RBFOX1: variants seen among roughly 807,000 people sequenced by gnomAD.
RBFOX1 encodes the protein RNA binding fox-1 homolog 1.
In RBFOX1, 8 loss-of-function variants were observed where a neutral mutation model predicts 57.7. That is an observed-to-expected ratio of 0.14 (90% CI 0.08 to 0.25). RBFOX1 has a LOEUF of 0.25. Ranked by LOEUF, RBFOX1 falls within the 10% of genes least tolerant of loss-of-function variation. RBFOX1 has a pLI of 1.00. For synonymous variants in RBFOX1, 326 were observed against 222.4 expected, an observed-to-expected ratio of 1.47 and a Z score of -4.15; for missense variants, 611 against 548.5, an observed-to-expected ratio of 1.11 and a Z score of -1.14.
intron 3 of RBFOX1, among the ~76,000 whole-genome samples, chr16:5,766,057 C>A (rs1012327657): frequency 6.6e-6 from 1 of 152,176 alleles, no homozygotes; most frequent in East Asian, 1.9e-4. Context: ...CGTCATGGAG[C>A]AGCCAATAGC....
intron 3 of RBFOX1, among the ~76,000 whole-genome samples, chr16:6,994,512 A>G (rs2091973000): frequency 6.6e-6 from 1 of 152,184 alleles, no homozygotes; most frequent in Non-Finnish European, 1.5e-5. Context: ...ACAACAAGTG[A>G]CCGATTTTCT....
At chr16:7,063,104 G>A (rs1051538905) in intron 4 of RBFOX1, among the ~76,000 whole-genome samples, 17 of 151,866 alleles carry the variant, frequency 1.1e-4, no homozygotes, top group Admixed American at 3.3e-4. Context: ...GTGAATCGGC[G>A]CTGACTTTAT....
intron 1 of RBFOX1, among the ~76,000 whole-genome samples, chr16:6,169,938 T>A (rs766105821): frequency 2.0e-5 from 3 of 152,154 alleles, no homozygotes; most frequent in Non-Finnish European, 2.9e-5. Flanking sequence ...CTAGTTTTTG[T>A]ATTTTTTTTT....
At chr16:7,045,810 C>T (rs1054266618) in intron 3 of RBFOX1, among the ~76,000 whole-genome samples, 5 of 151,968 alleles carry the variant, frequency 3.3e-5, no homozygotes, top group Non-Finnish European at 5.9e-5. Flanking sequence ...CGCATTCCAC[C>T]ACGTGTGGCT....
intron 14 of RBFOX1, among the ~76,000 whole-genome samples, chr16:7,707,346 T>A (rs1021702794): frequency 8.6e-5 from 13 of 152,012 alleles, no homozygotes; most frequent in African/African-American, 3.1e-4. Context: ...ATGTATTGGA[T>A]TGGTATCACT....
chr16:6,874,409 C>CT (rs2061466163), intron 3 of RBFOX1, among the ~76,000 whole-genome samples: 1 of 146,344 alleles, frequency 6.8e-6, no homozygotes, highest in Non-Finnish European at 1.5e-5. Context: ...ACTTAGGAGG[C>CT]TGAGGCAGGA....
chr16:6,054,603 A>G (rs537820519), intron 1 of RBFOX1, among the ~76,000 whole-genome samples: 3 of 152,264 alleles, frequency 2.0e-5, no homozygotes, highest in Non-Finnish European at 4.4e-5. Flanking sequence ...GGAGGTGCAA[A>G]CTGGAGAAAA....
intron 1 of RBFOX1, among the ~76,000 whole-genome samples, chr16:6,213,775 T>G (rs1425741318): frequency 6.6e-6 from 1 of 152,222 alleles, no homozygotes; most frequent in African/African-American, 2.4e-5. Flanking sequence ...GAAAGCGCAT[T>G]CACCATGCTC....
intron 4 of RBFOX1, among the ~76,000 whole-genome samples, chr16:7,133,685 GTTTA>G (rs1291299818): frequency 6.6e-6 from 1 of 151,974 alleles, no homozygotes; most frequent in African/African-American, 2.4e-5. Context: ...AAAATTAATT[GTTTA>G]TTTAATAAGT....
intron 1 of RBFOX1, among the ~76,000 whole-genome samples, chr16:6,130,459 G>C (rs954146079): frequency 3.9e-5 from 6 of 151,978 alleles, no homozygotes; most frequent in Admixed American, 3.9e-4. Flanking sequence ...AAGAAGTCAA[G>C]AAATAAGGAA....
chr16:6,667,668 C>T (rs1008872511), intron 3 of RBFOX1, among the ~76,000 whole-genome samples: 1 of 152,008 alleles, frequency 6.6e-6, no homozygotes, highest in Non-Finnish European at 1.5e-5. Flanking sequence ...ATTACTTGAG[C>T]TCGGGAGTTT....
intron 1 of RBFOX1, among the ~76,000 whole-genome samples, chr16:6,150,308 G>C (rs1339278542): frequency 1.2e-4 from 18 of 152,088 alleles, no homozygotes; most frequent in Non-Finnish European, 4.4e-5. Flanking sequence ...TTTACCCAGA[G>C]TGAGAACCAT....
At chr16:7,325,999 T>G (rs552085032) in intron 4 of RBFOX1, among the ~76,000 whole-genome samples, 2 of 152,314 alleles carry the variant, frequency 1.3e-5, no homozygotes, top group Admixed American at 1.3e-4. Flanking sequence ...TCTTGATGAC[T>G]CAGCAGGTAT....
In RBFOX1 at chr16:6,688,105, T is replaced by C. The variant is rs73533773; in HGVS notation, c.-16+33455T>C. Among the ~76,000 whole-genome samples the C allele has an allele frequency of 9.4e-3, 1,436 of 152,148 alleles. 20 individuals are homozygous for C. The highest frequency in any genetic ancestry group is 0.032 in the African/African-American group (1,324 of 41,506). Reference sequence around the variant, plus strand: ...TAATTTACAAAGAAAAGAGATTTCATTGGCTCCGGGTTCAGCAGGCTGTAC... The same window carrying C: ...TAATTTACAAAGAAAAGAGATTTCACTGGCTCCGGGTTCAGCAGGCTGTAC... On this transcript the variant is annotated intron_variant, in intron 3 of 15. Transcript: ENST00000550418.
At chr16:6,199,119 AT>A (rs2097199237) in intron 1 of RBFOX1, among the ~76,000 whole-genome samples, 1 of 152,182 alleles carries the variant, frequency 6.6e-6, no homozygotes, top group Non-Finnish European at 1.5e-5. Flanking sequence ...ATTGAAAAAA[AT>A]ATTTAATATA....
At chr16:5,888,082 G>A (rs1567672675) in intron 4 of RBFOX1, among the ~76,000 whole-genome samples, 1 of 152,180 alleles carries the variant, frequency 6.6e-6, no homozygotes, top group African/African-American at 2.4e-5. Context: ...TTGTGTTCCT[G>A]CTGGCCTCAC....
chr16:5,685,807 T>G (rs2050487068), intron 3 of RBFOX1, among the ~76,000 whole-genome samples: 1 of 152,238 alleles, frequency 6.6e-6, no homozygotes. Flanking sequence ...CTAACAGATC[T>G]GAAGATGTAT....
intron 1 of RBFOX1, among the ~76,000 whole-genome samples, chr16:6,274,109 T>C (rs1308788673): frequency 6.6e-6 from 1 of 152,178 alleles, no homozygotes; most frequent in Non-Finnish European, 1.5e-5. Flanking sequence ...TGTCAAATGA[T>C]ACATTCCCAT....
intron 3 of RBFOX1, among the ~76,000 whole-genome samples, chr16:6,932,372 G>A (rs984701720): frequency 6.6e-6 from 1 of 152,106 alleles, no homozygotes; most frequent in African/African-American, 2.4e-5. Context: ...CTCCCTAAGT[G>A]CTGGGATTAC....
Sources: allele counts gnomAD v4.1 joint callset (sites outside exome capture counted in the v4.1 genomes callset), GRCh38; gene constraint gnomAD v4.1.1; transcripts MANE v1.5; gene names NCBI Gene and HGNC (gene_info 2026-07-23, HGNC 2026-07-21).